The following TYRP1 variants were observed in gnomAD, a reference collection of about 807,000 sequenced individuals.
The protein encoded by TYRP1 is tyrosinase related protein 1, also known as 5,6-dihydroxyindole-2-carboxylic acid oxidase.
A neutral mutation model predicts 42.8 loss-of-function variants in TYRP1; 49 were observed. The observed-to-expected ratio is 1.14, with a 90% CI of 0.91 to 1.45. TYRP1 has a LOEUF of 1.45. Ranked by LOEUF, TYRP1 falls within the 40% of genes most tolerant of loss-of-function variation. The pLI is 0.00. For missense variants in TYRP1, 848 were observed against 662.0 expected (o/e 1.28, Z -3.08); for synonymous variants, 279 against 235.4 (o/e 1.19, Z -1.69).
At position 12,694,128 on chromosome 9, in the gene TYRP1, C is replaced by A. The variant is rs2118217526; in HGVS notation, c.132C>A (p.Asp44Glu). The A allele has an allele frequency of 7.4e-6, 12 of 1,614,100 alleles. No individual in the cohort carries two copies. The highest frequency in any genetic ancestry group is 1.0e-5 in the Non-Finnish European group (12 of 1,180,026). ...TGAGAAGTGGTATGTGTTGCCCAGA[C>A]CTGTCCCCTGTGTCTGGGCCTGGGA... ...EALRSGMCCPDLSPVSGPGTD... is the reference protein window; with the variant it reads ...EALRSGMCCPELSPVSGPGTD... Residue 44 changes from aspartate to glutamate, a missense_variant, in exon 2 of 8, where the codon GAC becomes GAA. Transcript: ENST00000388918.
chr9:12,704,019 A>C (rs928331108), intron 5 of TYRP1, among the ~76,000 whole-genome samples: 1 of 151,950 alleles, frequency 6.6e-6, no homozygotes. Context: ...AAAGATGGAA[A>C]GAAAGCCCTG....
intron 6 of TYRP1, 101 bp from the exon 7 acceptor site, chr9:12,707,896 T>A (rs1818284580): frequency 1.7e-6 from 2 of 1,176,832 alleles, no homozygotes; most frequent in Middle Eastern, 2.8e-4. Flanking sequence ...AATAAAATTT[T>A]TTCAGGTTCT....
rs1389962851 is a variant in TYRP1, at chr9:12,709,631, C to CAGTT, written c.*451_*454dup. The CAGTT allele has an allele frequency of 1.6e-4, 24 of 152,610 alleles. No homozygotes were observed. Among genetic ancestry groups the CAGTT allele is most frequent in the Admixed American group, 4.9e-4 (8 of 16,242 alleles). The allele number at this position is 152,610 out of a possible 1,614,324, so 9.5% of individuals were successfully genotyped here. A position where few individuals can be genotyped will look rare whatever the true frequency, so the allele number is the denominator to read the frequency against. ...TTGTCAACAGATTTAAAGAAAACCACAGTTATTAATTAAAGAAAATTAATT... is the reference window on the plus strand; with the variant it reads ...TTGTCAACAGATTTAAAGAAAACCACAGTTAGTTATTAATTAAAGAAAATTAATT... On this transcript the variant is annotated 3_prime_UTR_variant, in exon 8 of 8. Coordinates refer to ENST00000388918, the MANE Select transcript of TYRP1 (RefSeq NM_000550.3).
At chr9:12,704,801 C>A in intron 6 of TYRP1, 96 bp downstream of exon 6, 1 of 1,240,812 alleles carries the variant, frequency 8.1e-7, no homozygotes, top group Non-Finnish European at 1.2e-6. Context: ...CGCATAAAAA[C>A]ACTTTCAAAA....
intron 6 of TYRP1, 200 bp from the exon 7 acceptor site, chr9:12,707,797 T>C (rs1818282562): frequency 1.8e-6 from 1 of 562,488 alleles, no homozygotes. Flanking sequence ...AAGTGGTATA[T>C]TGGTACTGTA....
chr9:12,702,291 A>T lies in TYRP1; in HGVS notation c.934A>T (p.Arg312Trp), dbSNP rs761890165. Reference protein sequence around the residue: ...LCNSTEDGPIRRNPAGNVARP... With the variant: ...LCNSTEDGPIWRNPAGNVARP... Reference sequence around the variant, plus strand: ...TGCAGGCACCGAGGATGGGCCAATTAGGAGAAATCCAGCTGGAAATGTGGC... The same window carrying T: ...TGCAGGCACCGAGGATGGGCCAATTTGGAGAAATCCAGCTGGAAATGTGGC... The change falls in exon 5 of 8, where the codon AGG (arginine) becomes TGG (tryptophan). Residue 312 changes from arginine to tryptophan, a missense_variant. Physicochemically the swap from Arg to Trp is moderately radical, Grantham distance 101. Transcript: ENST00000388918. The T allele has an allele frequency of 2.5e-6, 4 of 1,613,116 alleles. No homozygotes were observed. The highest frequency in any genetic ancestry group is 3.4e-6 in the Non-Finnish European group (4 of 1,179,404).
At chr9:12,703,086 C>G (rs1397143891) in intron 5 of TYRP1, among the ~76,000 whole-genome samples, 1 of 151,798 alleles carries the variant, frequency 6.6e-6, no homozygotes, top group Non-Finnish European at 1.5e-5. Context: ...TTTTCAAAAT[C>G]CAGTGTCTTT....
chr9:12,698,138 C>G (rs939041366), intron 3 of TYRP1, among the ~76,000 whole-genome samples: 4 of 151,922 alleles, frequency 2.6e-5, no homozygotes, highest in Admixed American at 2.0e-4. Flanking sequence ...TTTTGTATAA[C>G]CAATATAAAT....
chr9:12,694,449 T>C lies in TYRP1; in HGVS notation c.385+68T>C, dbSNP rs116100631. The C allele has an allele frequency of 1.0e-5, 16 of 1,565,984 alleles. No individual in the cohort carries two copies. The East Asian group carries it at 3.4e-4, about 33-fold the overall frequency. ...TCAAGGCTCTTAATAAAATCTTAAATCATTTGAGCTGGAGGAATACCTGGA... is the reference window on the plus strand; with the variant it reads ...TCAAGGCTCTTAATAAAATCTTAAACCATTTGAGCTGGAGGAATACCTGGA... On this transcript the variant is annotated intron_variant, in intron 2 of 7. Coordinates refer to ENST00000388918, the MANE Select transcript of TYRP1 (RefSeq NM_000550.3).
rs768377981 is a variant in TYRP1 at position 12,695,566 on chromosome 9, G to A, written c.437G>A (p.Arg146Gln). The A allele has an allele frequency of 4.6e-5, 74 of 1,614,000 alleles. No individual in the cohort carries two copies. The East Asian group carries it at 7.1e-4, about 16-fold the overall frequency. Residue 146 changes from arginine (R) to glutamine (Q), a missense_variant, in exon 3 of 8, where the codon CGG becomes CAG. Transcript: ENST00000388918. ...AAAGAAGAAAAGAACCACTTTGTCCGGGCCCTGGATATGGCAAAGCGCACA... is the reference window on the plus strand; with the variant it reads ...AAAGAAGAAAAGAACCACTTTGTCCAGGCCCTGGATATGGCAAAGCGCACA... Reference protein sequence around the residue: ...LSKEEKNHFVRALDMAKRTTH... With the variant: ...LSKEEKNHFVQALDMAKRTTH...
intron 6 of TYRP1, among the ~76,000 whole-genome samples, chr9:12,706,660 A>C (rs1308085850): frequency 6.6e-6 from 1 of 152,008 alleles, no homozygotes; most frequent in Non-Finnish European, 1.5e-5. Flanking sequence ...AACTGCATGA[A>C]AGCTAAGCTG....
chr9:12,693,877 A>G (rs1190598120), intron 1 of TYRP1, 35 bp from the exon 2 acceptor site: 1 of 1,416,228 alleles, frequency 7.1e-7, no homozygotes, highest in Non-Finnish European at 9.7e-7. Context: ...ACCAAGAAAA[A>G]CTTGCATAAT....
chr9:12,703,364 C>G lies in TYRP1; in HGVS notation c.1081+926C>G, dbSNP rs1586845021. On this transcript the variant is annotated intron_variant, in intron 5 of 7. Transcript: ENST00000388918. Reference sequence around the variant, plus strand: ...GTCTCAAAATTATATGCCATATTAACCTATTTTTGATCATTTTAATAACTA... The same window carrying G: ...GTCTCAAAATTATATGCCATATTAAGCTATTTTTGATCATTTTAATAACTA... Among the ~76,000 whole-genome samples, 3 of 151,780 alleles carry G rather than the reference C, an allele frequency of 2.0e-5. No homozygotes were observed. In the East Asian group the frequency reaches 5.9e-4, roughly 30 times the overall value.
intron 3 of TYRP1, among the ~76,000 whole-genome samples, chr9:12,697,914 A>T (rs1053801645): frequency 1.3e-5 from 2 of 152,172 alleles, no homozygotes; most frequent in Non-Finnish European, 2.9e-5. Context: ...GCTCAGTGTG[A>T]AAGAGTCCAT....
chr9:12,702,483 G>T, intron 5 of TYRP1, 45 bp downstream of exon 5: 1 of 1,589,252 alleles, frequency 6.3e-7, no homozygotes, highest in South Asian at 1.1e-5. Context: ...AGTTATCAGA[G>T]AAAACTGAAT....
intron 4 of TYRP1, among the ~76,000 whole-genome samples, chr9:12,700,895 T>A (rs895969240): frequency 6.6e-6 from 1 of 152,054 alleles, no homozygotes; most frequent in African/African-American, 2.4e-5. Context: ...CTGAGGCATA[T>A]GTTTTAGTTA....
chr9:12,693,803 A>G, intron 1 of TYRP1, 109 bp from the exon 2 acceptor site: 2 of 636,486 alleles, frequency 3.1e-6, no homozygotes, highest in Non-Finnish European at 5.4e-6. Flanking sequence ...TTTGTGTGAA[A>G]TGTCATTTTA....
chr9:12,695,491 T>C (rs200583997), intron 2 of TYRP1, 24 bp from the exon 3 acceptor site: 3 of 1,612,526 alleles, frequency 1.9e-6, no homozygotes, highest in Admixed American at 3.3e-5. Context: ...GATGTTTTCA[T>C]GCTTGAATTT....
intron 2 of TYRP1, among the ~76,000 whole-genome samples, chr9:12,695,194 A>G (rs1157768134): frequency 1.3e-5 from 2 of 152,202 alleles, no homozygotes; most frequent in South Asian, 4.1e-4. Flanking sequence ...TGTTAAAAAG[A>G]CAGAAAATTC....
Sources: allele counts gnomAD v4.1 joint callset (sites outside exome capture counted in the v4.1 genomes callset), GRCh38; gene constraint gnomAD v4.1.1; transcripts MANE v1.5; gene names NCBI Gene and HGNC (gene_info 2026-07-23, HGNC 2026-07-21).